MYO16: variants seen among roughly 807,000 people sequenced by gnomAD.
MYO16 encodes myosin XVI.
Under a neutral mutation model 205.3 loss-of-function variants are expected in MYO16, and 94 were observed. The observed-to-expected ratio is 0.46, with a 90% CI of 0.39 to 0.54. The LOEUF is 0.54. MYO16 is among the 20% of genes least tolerant of loss of function. The probability of loss-of-function intolerance (pLI) is 0.00; values close to 1 mark genes in which losing one functional copy is unlikely to be tolerated. For missense variants in MYO16, 2,315 were observed against 2,387.5 expected (o/e 0.97, Z 0.63); for synonymous variants, 988 against 954.0 (o/e 1.04, Z -0.66).
chr13:108,862,530 A>T (rs1473046081), intron 11 of MYO16, among the ~76,000 whole-genome samples: 3 of 152,134 alleles, frequency 2.0e-5, no homozygotes. Context: ...CTTTGTCCTA[A>T]ACAGGTGACC....
At chr13:109,134,487 G>T (rs754502067) in intron 31 of MYO16, among the ~76,000 whole-genome samples, 2 of 152,146 alleles carry the variant, frequency 1.3e-5, no homozygotes, top group Non-Finnish European at 2.9e-5. Flanking sequence ...TGTCACTCTC[G>T]GTCCTTCATG....
intron 2 of MYO16, among the ~76,000 whole-genome samples, chr13:108,697,178 A>C (rs1883125008): frequency 6.6e-6 from 1 of 152,228 alleles, no homozygotes; most frequent in South Asian, 2.1e-4. Flanking sequence ...TGAGGACAAC[A>C]ATAAAAGAAA....
chr13:108,892,710 T>C (rs545110746), intron 14 of MYO16, among the ~76,000 whole-genome samples: 5 of 152,328 alleles, frequency 3.3e-5, no homozygotes, highest in South Asian at 2.1e-4. Context: ...CAGAAACTGA[T>C]GACTTACTCA....
chr13:108,642,023 G>A (rs1397910513), intron 1 of MYO16, among the ~76,000 whole-genome samples: 1 of 152,108 alleles, frequency 6.6e-6, no homozygotes, highest in Non-Finnish European at 1.5e-5. Context: ...TAGCTACTTT[G>A]CAATTTTTAT....
At chr13:108,874,073 C>T (rs1879206880) in intron 12 of MYO16, among the ~76,000 whole-genome samples, 1 of 152,080 alleles carries the variant, frequency 6.6e-6, no homozygotes, top group Non-Finnish European at 1.5e-5. Flanking sequence ...ATGCTAGAGA[C>T]AAAACACAAA....
chr13:109,113,848 C>A (rs1205685588), intron 28 of MYO16, among the ~76,000 whole-genome samples: 1 of 152,106 alleles, frequency 6.6e-6, no homozygotes, highest in Non-Finnish European at 1.5e-5. Context: ...GGTCACTGAG[C>A]TAGAGAATCC....
intron 6 of MYO16, among the ~76,000 whole-genome samples, chr13:108,799,863 A>AT (rs1254232725): frequency 6.6e-6 from 1 of 152,216 alleles, no homozygotes; most frequent in Non-Finnish European, 1.5e-5. Context: ...CACTGAAGTT[A>AT]AGAGGAAGAA....
intron 4 of MYO16, among the ~76,000 whole-genome samples, chr13:108,771,667 C>A (rs759502008): frequency 3.2e-4 from 48 of 152,144 alleles, no homozygotes; most frequent in Non-Finnish European, 6.3e-4. Context: ...CGACCCATCT[C>A]CTGACAATTA....
At chr13:108,809,084 A>G (rs1330909008) in intron 7 of MYO16, among the ~76,000 whole-genome samples, 1 of 152,196 alleles carries the variant, frequency 6.6e-6, no homozygotes, top group Non-Finnish European at 1.5e-5. Flanking sequence ...CATGACAACT[A>G]TGCTGCAGAA....
chr13:109,162,009 G>A lies in MYO16; in HGVS notation c.5165-2892G>A, dbSNP rs1878408626. ...GAGGCTGAGGCAGGAGAATCTCCCA[G>A]GAGGCAGAGGTTGCAGGGAGCTGAG... On this transcript the variant is annotated intron_variant, in intron 32 of 34. Coordinates refer to ENST00000457511, the MANE Select transcript of MYO16 (RefSeq NM_001198950.3). The surrounding 1 kb of genome is among the most constrained non-coding windows in gnomAD (Gnocchi z 4.6). Among the ~76,000 whole-genome samples the A allele has an allele frequency of 6.6e-6, 1 of 152,186 alleles. No homozygotes were observed. The highest frequency in any genetic ancestry group is 2.1e-4 in the South Asian group (1 of 4,822).
At chr13:109,130,255 T>C (rs1876469837) in intron 31 of MYO16, among the ~76,000 whole-genome samples, 1 of 152,178 alleles carries the variant, frequency 6.6e-6, no homozygotes, top group South Asian at 2.1e-4. Context: ...GACTATAAGG[T>C]ACTTAGAGAT....
chr13:108,583,590 C>A, the MYO16 span, among the ~76,000 whole-genome samples: 3 of 152,118 alleles, frequency 2.0e-5, no homozygotes, highest in East Asian at 5.8e-4. Flanking sequence ...AAAATGAAAT[C>A]ATAGCATGTA....
chr13:109,090,707 G>A (rs550276488), intron 27 of MYO16, among the ~76,000 whole-genome samples: 11 of 152,190 alleles, frequency 7.2e-5, no homozygotes, highest in Admixed American at 1.3e-4. Flanking sequence ...GAAAAAATGT[G>A]CACGTGTAGA....
At chr13:108,503,954 A>G in the MYO16 span, among the ~76,000 whole-genome samples, 43,793 of 150,118 alleles carry the variant, frequency 0.29, 7,167 homozygotes, top group Non-Finnish European at 0.37. Context: ...AGAATTTATC[A>G]TAGGTTTTAT....
chr13:109,037,941 T>A (rs922969289), intron 23 of MYO16, among the ~76,000 whole-genome samples: 1 of 152,072 alleles, frequency 6.6e-6, no homozygotes, highest in Non-Finnish European at 1.5e-5. Context: ...GGAAAGGAGT[T>A]TATTGAAAGG....
At chr13:108,900,224 A>G (rs1880642973) in intron 15 of MYO16, among the ~76,000 whole-genome samples, 2 of 152,228 alleles carry the variant, frequency 1.3e-5, no homozygotes, top group Admixed American at 1.3e-4. Context: ...ACATATTAAA[A>G]AGAACTAGAA....
chr13:108,926,045 C>T (rs1197666527), intron 16 of MYO16, among the ~76,000 whole-genome samples: 1 of 152,228 alleles, frequency 6.6e-6, no homozygotes, highest in Non-Finnish European at 1.5e-5. Context: ...CGCACAAAGA[C>T]TCAGAGCCGC....
chr13:108,537,504 G>T, the MYO16 span, among the ~76,000 whole-genome samples: 1 of 151,878 alleles, frequency 6.6e-6, no homozygotes, highest in East Asian at 1.9e-4. Flanking sequence ...CTTTTCTTTG[G>T]GTAGACATCC....
chr13:108,942,286 T>C (rs1882762730), intron 16 of MYO16, among the ~76,000 whole-genome samples: 1 of 152,242 alleles, frequency 6.6e-6, no homozygotes, highest in Admixed American at 6.5e-5. Context: ...ACTCTAAGCA[T>C]CTGTGTTACT....
Sources: gnomAD v4.1 joint callset for allele counts (sites outside exome capture counted in the v4.1 genomes callset) on GRCh38, gnomAD v4.1.1 for gene constraint, Gnocchi (gnomAD v3.1) non-coding constraint, MANE v1.5 for transcripts, NCBI Gene and HGNC (gene_info 2026-07-23, HGNC 2026-07-21) for gene names.